MEGF6: variants seen among roughly 807,000 people sequenced by gnomAD.
The protein encoded by MEGF6 is multiple epidermal growth factor-like domains protein 6.
In MEGF6, 184 loss-of-function variants were observed where a neutral mutation model predicts 207.1. The observed-to-expected ratio is 0.89, with a 90% CI of 0.79 to 1.00. The LOEUF (loss-of-function observed/expected upper bound fraction) is 1.00, where lower values mean the gene tolerates loss of function less well. Among genes scored for constraint, MEGF6 ranks in the 50% least tolerant of loss-of-function variants. MEGF6 has a pLI of 0.00. For missense variants in MEGF6, 2,282 were observed against 2,202.9 expected (o/e 1.04, Z -0.72); for synonymous variants, 1,038 against 910.0 (o/e 1.14, Z -2.53).
chr1:3,526,396 C>T (rs1170322983), intron 4 of MEGF6, among the ~76,000 whole-genome samples: 1 of 133,892 alleles, frequency 7.5e-6, no homozygotes, highest in Non-Finnish European at 1.6e-5. Context: ...CAGGTGACAC[C>T]TATTTTTTTT....
chr1:3,603,046 G>A (rs1301703270), intron 1 of MEGF6, among the ~76,000 whole-genome samples: 1 of 152,164 alleles, frequency 6.6e-6, no homozygotes, highest in Admixed American at 6.5e-5. Flanking sequence ...ACATGGCTGG[G>A]GTGAACCCGG....
At chr1:3,607,971 C>T (rs541506471) in intron 1 of MEGF6, among the ~76,000 whole-genome samples, 1 of 152,258 alleles carries the variant, frequency 6.6e-6, no homozygotes, top group South Asian at 2.1e-4. Context: ...CAGCCTGGCT[C>T]AGCTCCCCAG....
At chr1:3,505,693 G>A in intron 15 of MEGF6, 137 bp from the exon 16 acceptor site, 1 of 1,196,492 alleles carries the variant, frequency 8.4e-7, no homozygotes, top group East Asian at 2.6e-5. Flanking sequence ...TCCCCCTGCA[G>A]CCCACCGCCC....
chr1:3,562,370 T>C (rs1435115909), intron 4 of MEGF6, among the ~76,000 whole-genome samples: 1 of 152,170 alleles, frequency 6.6e-6, no homozygotes, highest in East Asian at 1.9e-4. Context: ...CCATCTCTCT[T>C]TGTGTCTCCC....
chr1:3,615,912 G>C (rs1175882641), upstream of MEGF6, among the ~76,000 whole-genome samples: 3 of 152,224 alleles, frequency 2.0e-5, no homozygotes, highest in African/African-American at 7.2e-5. Context: ...ATAAGGAGTG[G>C]ACAGGCTTCC....
At chr1:3,618,403 C>T in the MEGF6 span, among the ~76,000 whole-genome samples, 8 of 152,192 alleles carry the variant, frequency 5.3e-5, no homozygotes, top group South Asian at 2.1e-4. The surrounding 1 kb of genome is among the most constrained non-coding windows in gnomAD (Gnocchi z 4.7). Flanking sequence ...GATCCACGGC[C>T]GAGAGACCAC....
chr1:3,524,802 C>T (rs759783154), intron 4 of MEGF6, among the ~76,000 whole-genome samples: 2 of 152,096 alleles, frequency 1.3e-5, no homozygotes, highest in Non-Finnish European at 2.9e-5. Flanking sequence ...AGTTCAGGCT[C>T]GAGATGAGAT....
Position 3,495,885 on chromosome 1 carries a change from C to T in MEGF6, c.3871+5G>A, listed in dbSNP as rs775378785. 2 of 1,598,178 alleles carry T rather than the reference C, an allele frequency of 1.3e-6. No individual in the cohort carries two copies. The highest frequency in any genetic ancestry group is 1.3e-5 in the African/African-American group (1 of 75,024). On this transcript the variant is annotated splice_donor_5th_base_variant and intron_variant, in intron 30 of 36. Coordinates refer to ENST00000356575, the MANE Select transcript of MEGF6 (RefSeq NM_001409.4). ...GTGAGCATGCCCTCTGGAGTGAACA[C>T]TCACCTCGCTCACAGCGGACGCCGG... is the stretch of plus-strand genomic sequence containing the variant.
chr1:3,602,016 C>G (rs1167078798), intron 2 of MEGF6, among the ~76,000 whole-genome samples: 1 of 152,230 alleles, frequency 6.6e-6, no homozygotes, highest in African/African-American at 2.4e-5. Context: ...GAGCCTGAGT[C>G]TATAAAAGGG....
intron 5 of MEGF6, among the ~76,000 whole-genome samples, chr1:3,520,012 C>A (rs1323755246): frequency 6.6e-6 from 1 of 152,260 alleles, no homozygotes; most frequent in Non-Finnish European, 1.5e-5. Context: ...ACAACAGAGT[C>A]CCCTCTCCAA....
intron 4 of MEGF6, among the ~76,000 whole-genome samples, chr1:3,563,337 G>T (rs1342575552): frequency 1.3e-5 from 2 of 152,112 alleles, no homozygotes; most frequent in African/African-American, 2.4e-5. Context: ...GGCAGCCCAG[G>T]TGTCTGGGCT....
chr1:3,508,008 A>G, intron 13 of MEGF6, 85 bp from the exon 14 acceptor site: 4 of 1,488,076 alleles, frequency 2.7e-6, no homozygotes, highest in Non-Finnish European at 3.6e-6. Context: ...GCTTGGGTTT[A>G]GAAGCAGTTG....
At chr1:3,503,883 A>C (rs1369582078) in intron 17 of MEGF6, among the ~76,000 whole-genome samples, 2 of 152,252 alleles carry the variant, frequency 1.3e-5, no homozygotes, top group African/African-American at 2.4e-5. Flanking sequence ...GCTGCTGCAC[A>C]CCGGCCTGAG....
At chr1:3,501,971 G>A (rs757596990) in intron 17 of MEGF6, 50 bp from the exon 18 acceptor site, 3 of 1,204,020 alleles carry the variant, frequency 2.5e-6, no homozygotes, top group Non-Finnish European at 3.1e-6. Flanking sequence ...GGAGTGGACT[G>A]ACCAGAGCCT....
intron 2 of MEGF6, among the ~76,000 whole-genome samples, chr1:3,599,650 G>A (rs1056973851): frequency 1.3e-5 from 2 of 152,228 alleles, no homozygotes; most frequent in East Asian, 1.9e-4. Context: ...TCACCCAGTC[G>A]TGTGACGGTG....
intron 4 of MEGF6, among the ~76,000 whole-genome samples, chr1:3,549,623 T>C (rs1642823260): frequency 6.6e-6 from 1 of 152,150 alleles, no homozygotes; most frequent in African/African-American, 2.4e-5. Context: ...GACACTGGCA[T>C]GGGATATCCA....
chr1:3,582,602 C>T (rs1353950857), intron 3 of MEGF6, among the ~76,000 whole-genome samples: 3 of 152,148 alleles, frequency 2.0e-5, no homozygotes, highest in African/African-American at 4.8e-5. Flanking sequence ...TCTTGGTTCC[C>T]CGGTTGCAAA....
chr1:3,597,983 CAG>C (rs1224555336), intron 2 of MEGF6, among the ~76,000 whole-genome samples: 1 of 152,174 alleles, frequency 6.6e-6, no homozygotes, highest in Non-Finnish European at 1.5e-5. Context: ...AGGATGGAGA[CAG>C]AGGCAGAGAG....
intron 4 of MEGF6, among the ~76,000 whole-genome samples, chr1:3,535,677 C>T (rs1214051211): frequency 6.6e-6 from 1 of 152,182 alleles, no homozygotes; most frequent in East Asian, 1.9e-4. Flanking sequence ...CCCCAGCGGC[C>T]CTGGGTCCTG....
Sources: allele counts gnomAD v4.1 joint callset (sites outside exome capture counted in the v4.1 genomes callset), GRCh38; gene constraint gnomAD v4.1.1; non-coding constraint Gnocchi (gnomAD v3.1); transcripts MANE v1.5; gene names NCBI Gene and HGNC (gene_info 2026-07-23, HGNC 2026-07-21).